Variants in SNX18 observed in about 807,000 individuals in gnomAD.
SNX18 encodes the protein sorting nexin-18.
A neutral mutation model predicts 48.7 loss-of-function variants in SNX18; 35 were observed. The observed-to-expected ratio is 0.72, with a 90% confidence interval of 0.55 to 0.95. The LOEUF (loss-of-function observed/expected upper bound fraction) is 0.95, where lower values mean the gene tolerates loss of function less well. SNX18 is among the 40% of genes least tolerant of loss of function. The probability of loss-of-function intolerance (pLI) is 0.00; values close to 1 mark genes in which losing one functional copy is unlikely to be tolerated. For synonymous variants in SNX18, 492 were observed against 384.7 expected (o/e 1.28, Z -3.26); for missense variants, 824 against 871.0 (o/e 0.95, Z 0.68).
At chr5:54,583,285 C>T in the SNX18 span, among the ~76,000 whole-genome samples, 7 of 152,270 alleles carry the variant, frequency 4.6e-5, no homozygotes, top group Admixed American at 3.3e-4. Flanking sequence ...CCTTGCTAGA[C>T]TTCTTATTTC....
Position 54,543,263 on chromosome 5 carries a change from G to A in SNX18, c.1706G>A (p.Arg569His), listed in dbSNP as rs1157070367. 6.2e-6 allele frequency: 10 copies of A among 1,614,136 alleles called. No individual in the cohort carries two copies. The highest frequency in any genetic ancestry group is 5.5e-5 in the South Asian group (5 of 91,082). The change falls in exon 2 of 2, where the codon CGC becomes CAC. Residue 569 changes from arginine to histidine, a missense_variant. By Grantham distance (29) the Arg-to-His change is conservative. Around this residue, in one of 3 missense-constraint regions of SNX18, gnomAD observed 443 missense variants for 503.6 expected, o/e 0.88. Transcript: ENST00000381410. ...EVQKADGIQD[R>H]CNTISFATLA... The stretch of plus-strand genomic sequence containing the variant: ...CAGAAGGCTGACGGCATTCAGGATC[G>A]CTGTAACACTATTTCTTTTGCCACT...
At chr5:54,528,209 G>A (rs534082290) in intron 1 of SNX18, among the ~76,000 whole-genome samples, 2 of 152,054 alleles carry the variant, frequency 1.3e-5, no homozygotes, top group South Asian at 2.1e-4. Context: ...GTTTACTGGG[G>A]TCTCGTTTGC....
chr5:54,526,374 C>T (rs547241708), intron 1 of SNX18, among the ~76,000 whole-genome samples: 1 of 152,266 alleles, frequency 6.6e-6, no homozygotes, highest in East Asian at 1.9e-4. Context: ...TTCCAAAGTG[C>T]TGGGATTACA....
chr5:54,543,506 G>C lies in SNX18; in HGVS notation c.*74G>C. On this transcript the variant is annotated 3_prime_UTR_variant, in exon 2 of 2. Transcript: ENST00000381410. ...CAGCAGAATAAAAACTGCTGTCAAA[G>C]AGCTATTGCCAGCTATCAGTGGTGG... 1 of 1,538,962 alleles carries C rather than the reference G, an allele frequency of 6.5e-7. No individual in the cohort carries two copies. Among genetic ancestry groups the C allele is most frequent in the Non-Finnish European group, 8.8e-7 (1 of 1,134,568 alleles).
the SNX18 span, among the ~76,000 whole-genome samples, chr5:54,584,142 C>T: frequency 6.6e-6 from 1 of 150,900 alleles, no homozygotes; most frequent in Admixed American, 6.6e-5. Context: ...CCTCCGCTTC[C>T]TGGGTTCAAG....
chr5:54,532,985 A>G (rs1173399564), intron 1 of SNX18, among the ~76,000 whole-genome samples: 1 of 152,214 alleles, frequency 6.6e-6, no homozygotes, highest in African/African-American at 2.4e-5. Flanking sequence ...AGCTATAAGA[A>G]CTACTTAATT....
At chr5:54,595,350 C>G in the SNX18 span, among the ~76,000 whole-genome samples, 1 of 152,148 alleles carries the variant, frequency 6.6e-6, no homozygotes. Context: ...ATTCTCCTGC[C>G]TCAGCCTCCT....
intron 1 of SNX18, among the ~76,000 whole-genome samples, chr5:54,537,201 A>T (rs1472815183): frequency 1.3e-5 from 2 of 152,162 alleles, no homozygotes; most frequent in Admixed American, 1.3e-4. Context: ...AGAGAGAAGA[A>T]AATTTCTTTT....
chr5:54,557,266 T>A, the SNX18 span, among the ~76,000 whole-genome samples: 1 of 152,242 alleles, frequency 6.6e-6, no homozygotes, highest in African/African-American at 2.4e-5. Flanking sequence ...AAGACACAAG[T>A]GCAGAATGCA....
chr5:54,564,993 T>C, the SNX18 span, among the ~76,000 whole-genome samples: 1 of 152,230 alleles, frequency 6.6e-6, no homozygotes, highest in Non-Finnish European at 1.5e-5. Context: ...GTCCCTTGGC[T>C]CATGGCTGCC....
chr5:54,646,970 G>A, the SNX18 span, among the ~76,000 whole-genome samples: 1 of 152,170 alleles, frequency 6.6e-6, no homozygotes, highest in Non-Finnish European at 1.5e-5. Flanking sequence ...AATGGCCTGT[G>A]CCTCTTCCTG....
At chr5:54,628,451 A>C in the SNX18 span, among the ~76,000 whole-genome samples, 113,599 of 151,998 alleles carry the variant, frequency 0.75, 43,468 homozygotes, top group African/African-American at 0.92. Flanking sequence ...TCCGTCTTTC[A>C]CTCCCAGCTG....
In SNX18 at chr5:54,518,250, C is replaced by T; in HGVS notation, c.298C>T (p.Pro100Ser). 10 of 1,456,864 alleles carry T rather than the reference C, an allele frequency of 6.9e-6. No individual in the cohort carries two copies. The highest frequency in any genetic ancestry group is 8.1e-6 in the Non-Finnish European group (9 of 1,111,036). 90.2% of individuals were successfully genotyped at this position (1,456,864 alleles called of 1,614,324 possible). Residue 100 changes from proline to serine, a missense_variant, in exon 1 of 2, where the codon CCG becomes TCG. Physicochemically the swap from Pro to Ser is moderately conservative, Grantham distance 74. Transcript: ENST00000381410. Reference sequence around the variant, plus strand: ...CGCGCCCCCCGCCTCCTTCAAGCCGCCGCCTGACGCCTTCCAGGCGCTGCT... The same window carrying T: ...CGCGCCCCCCGCCTCCTTCAAGCCGTCGCCTGACGCCTTCCAGGCGCTGCT... Reference protein sequence around the residue: ...PVAPPASFKPPPDAFQALLQP... With the variant: ...PVAPPASFKPSPDAFQALLQP...
the SNX18 span, among the ~76,000 whole-genome samples, chr5:54,628,443 C>T: frequency 2.6e-5 from 4 of 152,132 alleles, no homozygotes; most frequent in Non-Finnish European, 4.4e-5. Context: ...CTCTGGCCTC[C>T]GTCTTTCACT....
At chr5:54,571,549 G>A in the SNX18 span, among the ~76,000 whole-genome samples, 371 of 152,286 alleles carry the variant, frequency 2.4e-3, 1 homozygote, top group Non-Finnish European at 4.4e-3. Flanking sequence ...TGTGCTCCAC[G>A]AATAGGGGCT....
chr5:54,548,143 C>G (rs978630241), downstream of SNX18, among the ~76,000 whole-genome samples: 1 of 152,194 alleles, frequency 6.6e-6, no homozygotes, highest in African/African-American at 2.4e-5. Flanking sequence ...TGTCTCAATC[C>G]TAACATCCCT....
chr5:54,597,881 C>T, the SNX18 span, among the ~76,000 whole-genome samples: 1 of 151,786 alleles, frequency 6.6e-6, no homozygotes, highest in Non-Finnish European at 1.5e-5. Context: ...CAAGAAATAA[C>T]CAAGATCAGA....
At chr5:54,592,537 G>T in the SNX18 span, among the ~76,000 whole-genome samples, 1 of 152,104 alleles carries the variant, frequency 6.6e-6, no homozygotes, top group Non-Finnish European at 1.5e-5. Flanking sequence ...GATGATGATC[G>T]TGAAGCTTAA....
At chr5:54,625,539 G>A in the SNX18 span, among the ~76,000 whole-genome samples, 1 of 152,188 alleles carries the variant, frequency 6.6e-6, no homozygotes, top group African/African-American at 2.4e-5. Context: ...GAGGGAAAGA[G>A]AGACAGGGTG....
Sources: allele counts gnomAD v4.1 joint callset (sites outside exome capture counted in the v4.1 genomes callset), GRCh38; gene constraint gnomAD v4.1.1; regional missense constraint gnomAD v4.1.1; transcripts MANE v1.5; gene names NCBI Gene and HGNC (gene_info 2026-07-23, HGNC 2026-07-21).